The following RAB11FIP4 variants were observed in gnomAD, a reference collection of about 807,000 sequenced individuals.
The protein encoded by RAB11FIP4 is rab11 family-interacting protein 4.
RAB11FIP4 carries 23 observed loss-of-function variants against 74.3 expected under a neutral mutation model. The observed-to-expected ratio is 0.31, with a 90% CI of 0.22 to 0.44. RAB11FIP4 has a LOEUF of 0.44. RAB11FIP4 is among the 20% of genes least tolerant of loss of function. The pLI, the probability that RAB11FIP4 is intolerant of heterozygous loss-of-function variation, is 1.00. For missense variants in RAB11FIP4, 630 were observed against 863.9 expected, an observed-to-expected ratio of 0.73 and a Z score of 3.39; for synonymous variants, 360 against 359.9, an observed-to-expected ratio of 1.00 and a Z score of 0.00.
chr17:31,450,206 T>C (rs1341333785), intron 3 of RAB11FIP4, among the ~76,000 whole-genome samples: 1 of 152,060 alleles, frequency 6.6e-6, no homozygotes, highest in African/African-American at 2.4e-5. Flanking sequence ...ACTGGAACCC[T>C]GGGCAGGGCC....
intron 3 of RAB11FIP4, among the ~76,000 whole-genome samples, chr17:31,442,166 T>G (rs1160021395): frequency 1.3e-5 from 2 of 151,904 alleles, no homozygotes; most frequent in Non-Finnish European, 2.9e-5. Flanking sequence ...GCCTGGCTAA[T>G]TTTTTTGTAT....
intron 1 of RAB11FIP4, among the ~76,000 whole-genome samples, chr17:31,406,351 C>T (rs556279628): frequency 3.3e-5 from 5 of 152,344 alleles, no homozygotes; most frequent in East Asian, 3.9e-4. Flanking sequence ...CCAGGAGGCA[C>T]GTCCTAGACA....
intron 1 of RAB11FIP4, among the ~76,000 whole-genome samples, chr17:31,405,122 G>C (rs2071030535): frequency 6.6e-6 from 1 of 152,118 alleles, no homozygotes; most frequent in Admixed American, 6.5e-5. Context: ...TGGGGAGAAG[G>C]GGCTGAGGTG....
chr17:31,487,615 G>C (rs376673379), intron 3 of RAB11FIP4, among the ~76,000 whole-genome samples: 7 of 152,188 alleles, frequency 4.6e-5, no homozygotes, highest in Non-Finnish European at 8.8e-5. Flanking sequence ...GACTCATTAG[G>C]GGGTGGAGGC....
chr17:31,447,422 G>A (rs913780894), intron 3 of RAB11FIP4, among the ~76,000 whole-genome samples: 1 of 152,144 alleles, frequency 6.6e-6, no homozygotes, highest in Non-Finnish European at 1.5e-5. Flanking sequence ...CCGTTTGTGC[G>A]ACAGCACTCC....
intron 3 of RAB11FIP4, chr17:31,448,571 G>GT (rs2071492906): frequency 6.6e-6 from 1 of 151,936 alleles, no homozygotes; most frequent in Admixed American, 6.6e-5. Context: ...GTTCATTTTA[G>GT]TAACAAAACA....
intron 3 of RAB11FIP4, among the ~76,000 whole-genome samples, chr17:31,456,611 G>C (rs896053476): frequency 1.3e-5 from 2 of 152,138 alleles, no homozygotes; most frequent in African/African-American, 2.4e-5. Context: ...CTATCCCCTT[G>C]CTGTCCTTTT....
intron 1 of RAB11FIP4, among the ~76,000 whole-genome samples, chr17:31,394,973 C>A (rs1158615979): frequency 1.3e-5 from 2 of 149,668 alleles, no homozygotes; most frequent in Non-Finnish European, 3.0e-5. Context: ...ATGCAGTGTA[C>A]TCTGACTGTT....
At chr17:31,511,951 G>A (rs909244153) in intron 3 of RAB11FIP4, among the ~76,000 whole-genome samples, 1 of 152,208 alleles carries the variant, frequency 6.6e-6, no homozygotes, top group Admixed American at 6.5e-5. Flanking sequence ...CCCTGCTGGG[G>A]ACAGGGTGGG....
At chr17:31,394,686 A>T (rs565593930) in intron 1 of RAB11FIP4, among the ~76,000 whole-genome samples, 2 of 151,394 alleles carry the variant, frequency 1.3e-5, no homozygotes, top group East Asian at 3.9e-4. Context: ...TACCTCTATC[A>T]CTCTCAGCTG....
intron 1 of RAB11FIP4, among the ~76,000 whole-genome samples, chr17:31,406,424 CT>C (rs2071042150): frequency 6.6e-6 from 1 of 152,148 alleles, no homozygotes; most frequent in Non-Finnish European, 1.5e-5. Flanking sequence ...TGGCTTTGGG[CT>C]TCTGGTCACC....
intron 3 of RAB11FIP4, among the ~76,000 whole-genome samples, chr17:31,451,383 C>T (rs1022401271): frequency 2.0e-5 from 3 of 149,366 alleles, no homozygotes; most frequent in South Asian, 2.1e-4. Context: ...CACTTAAACC[C>T]GGGAGGCGGA....
chr17:31,473,755 G>A (rs761252582), intron 3 of RAB11FIP4, among the ~76,000 whole-genome samples: 2 of 152,174 alleles, frequency 1.3e-5, no homozygotes, highest in African/African-American at 4.8e-5. Context: ...TTTGCTCAGC[G>A]GGCATGGAGG....
chr17:31,525,471 CAA>C (rs2072749105), intron 10 of RAB11FIP4: 9 of 545,066 alleles, frequency 1.7e-5, no homozygotes, highest in Non-Finnish European at 2.9e-5. Context: ...GCAAACCACA[CAA>C]ATGTCTGTCA....
Position 31,528,794 on chromosome 17 carries a change from T to C in RAB11FIP4, c.1653+16T>C, listed in dbSNP as rs372081547. On this transcript the variant is annotated intron_variant, in intron 13 of 14. Transcript: ENST00000621161. ...GCTCAAGCAGGTGGGTCTAGCAGTC[T>C]CTGTGTCCAGTGGGGCAGGGTGGCC... The C allele has an allele frequency of 2.5e-6, 4 of 1,599,158 alleles. No homozygotes were observed. The Admixed American group carries it at 6.7e-5, about 27-fold the overall frequency.
chr17:31,425,857 G>A (rs929109979), intron 1 of RAB11FIP4, among the ~76,000 whole-genome samples: 3 of 152,256 alleles, frequency 2.0e-5, no homozygotes, highest in Admixed American at 6.5e-5. Context: ...GGGTGGGGGC[G>A]GCCCCCAGCT....
chr17:31,439,164 C>T (rs144054982), intron 3 of RAB11FIP4, among the ~76,000 whole-genome samples: 2,004 of 152,310 alleles, frequency 0.013, 17 homozygotes, highest in Non-Finnish European at 0.021. Flanking sequence ...AGGACAGCAC[C>T]CACAGCAAGC....
rs1292698741 is a variant in RAB11FIP4 at position 31,533,072 on chromosome 17, C to A, written c.*1340C>A. 6.6e-6 allele frequency: 1 copy of A among 152,134 alleles called. No individual in the cohort carries two copies. Among genetic ancestry groups the A allele is most frequent in the Admixed American group, 6.5e-5 (1 of 15,270 alleles). 9.4% of individuals were successfully genotyped at this position (152,134 alleles called of 1,614,324 possible). A position where few individuals can be genotyped will look rare whatever the true frequency, so the allele number is the denominator to read the frequency against. On this transcript the variant is annotated 3_prime_UTR_variant, in exon 15 of 15. Coordinates refer to ENST00000621161, the MANE Select transcript of RAB11FIP4 (RefSeq NM_032932.6). ...TTATTCTTCCCCCTGCAGTTTCTTG[C>A]TTTCTTCAGCACATCTTATAGTATG...
chr17:31,508,420 G>T (rs559989618), intron 3 of RAB11FIP4, among the ~76,000 whole-genome samples: 1 of 152,358 alleles, frequency 6.6e-6, no homozygotes, highest in African/African-American at 2.4e-5. Context: ...GCACTCACAT[G>T]AGCTTGGGCA....
Sources: allele counts gnomAD v4.1 joint callset (sites outside exome capture counted in the v4.1 genomes callset), GRCh38; gene constraint gnomAD v4.1.1; transcripts MANE v1.5; gene names NCBI Gene and HGNC (gene_info 2026-07-23, HGNC 2026-07-21).